The following GRID2 variants were observed in gnomAD, a reference collection of about 807,000 sequenced individuals.
GRID2 encodes the protein glutamate ionotropic receptor delta type subunit 2, also known as glutamate receptor ionotropic, delta-2.
Under a neutral mutation model 114.8 loss-of-function variants are expected in GRID2, and 33 were observed. The observed-to-expected ratio is 0.29, with a 90% confidence interval of 0.22 to 0.38. The LOEUF (loss-of-function observed/expected upper bound fraction) is 0.38. Ranked by LOEUF, GRID2 falls within the 10% of genes least tolerant of loss-of-function variation. The pLI is 1.00. For missense variants in GRID2, 1,184 were observed against 1,257.7 expected (o/e 0.94, Z 0.89); for synonymous variants, 505 against 449.9 (o/e 1.12, Z -1.55).
intron 2 of GRID2, among the ~76,000 whole-genome samples, chr4:93,062,096 C>T (rs1727860080): frequency 6.6e-6 from 1 of 152,082 alleles, no homozygotes; most frequent in Non-Finnish European, 1.5e-5. Context: ...TACAGACTTG[C>T]TGTTAATTCT....
At chr4:93,516,598 C>T (rs1270213752) in intron 13 of GRID2, among the ~76,000 whole-genome samples, 1 of 152,070 alleles carries the variant, frequency 6.6e-6, no homozygotes, top group East Asian at 1.9e-4. Flanking sequence ...TCTTGGCTTT[C>T]TCCAAAGAAC....
intron 14 of GRID2, among the ~76,000 whole-genome samples, chr4:93,658,764 A>G (rs1332632057): frequency 6.6e-6 from 1 of 152,172 alleles, no homozygotes; most frequent in Non-Finnish European, 1.5e-5. Context: ...TGCCCCCATT[A>G]TTAGAGGGTA....
At chr4:93,408,171 G>C (rs926737120) in intron 9 of GRID2, among the ~76,000 whole-genome samples, 1 of 152,046 alleles carries the variant, frequency 6.6e-6, no homozygotes, top group African/African-American at 2.4e-5. Context: ...AAGTGAAGGA[G>C]AATTTTTTAA....
At chr4:92,384,470 A>T (rs1326497764) in intron 1 of GRID2, among the ~76,000 whole-genome samples, 3 of 52,694 alleles carry the variant, frequency 5.7e-5, no homozygotes, top group South Asian at 4.8e-4. Context: ...ATATATATAT[A>T]TATATATATT....
chr4:92,673,247 CTT>C (rs1320472927), intron 2 of GRID2, among the ~76,000 whole-genome samples: 1 of 152,046 alleles, frequency 6.6e-6, no homozygotes, highest in Non-Finnish European at 1.5e-5. Flanking sequence ...TATATTCAAT[CTT>C]TTGGATAAAT....
intron 2 of GRID2, among the ~76,000 whole-genome samples, chr4:93,046,730 A>C (rs1194413506): frequency 6.6e-6 from 1 of 151,932 alleles, no homozygotes; most frequent in African/African-American, 2.4e-5. Context: ...TGAATGCACT[A>C]AGCAACCATT....
At chr4:92,705,879 T>A (rs1490308274) in intron 2 of GRID2, among the ~76,000 whole-genome samples, 1 of 152,202 alleles carries the variant, frequency 6.6e-6, no homozygotes, top group African/African-American at 2.4e-5. Context: ...AAAATCTATA[T>A]GGCTAGGACC....
chr4:93,061,988 G>T (rs900441191), intron 2 of GRID2, among the ~76,000 whole-genome samples: 8 of 152,104 alleles, frequency 5.3e-5, no homozygotes, highest in Non-Finnish European at 1.0e-4. Flanking sequence ...TTAGATAAGA[G>T]CACCTGTCCT....
chr4:92,473,910 G>C (rs539397727), intron 1 of GRID2, among the ~76,000 whole-genome samples: 3 of 150,998 alleles, frequency 2.0e-5, no homozygotes, highest in African/African-American at 7.3e-5. Context: ...ATTGTGAAAT[G>C]ATTACCACAA....
chr4:92,583,680 T>C (rs901427638), intron 1 of GRID2, among the ~76,000 whole-genome samples: 3 of 145,110 alleles, frequency 2.1e-5, no homozygotes, highest in Admixed American at 1.4e-4. Context: ...TACACACACA[T>C]ACACATATAT....
intron 11 of GRID2, among the ~76,000 whole-genome samples, chr4:93,467,401 C>T (rs1353108005): frequency 1.3e-5 from 2 of 152,074 alleles, no homozygotes; most frequent in Admixed American, 1.3e-4. Flanking sequence ...TTTAAGAAGT[C>T]TGTATTTTAT....
intron 8 of GRID2, among the ~76,000 whole-genome samples, chr4:93,372,371 AG>A (rs112372866): frequency 0.69 from 105,018 of 151,414 alleles, 37,416 homozygotes; most frequent in African/African-American, 0.87. Flanking sequence ...GATTATAGTA[AG>A]AACACTTTTA....
intron 1 of GRID2, among the ~76,000 whole-genome samples, chr4:92,555,923 G>A (rs960308083): frequency 1.3e-5 from 2 of 152,128 alleles, no homozygotes; most frequent in East Asian, 1.9e-4. Context: ...GGTACTCAGG[G>A]ATGACTTTGA....
At chr4:92,734,771 GTTTTT>G (rs1347483850) in intron 2 of GRID2, among the ~76,000 whole-genome samples, 1 of 137,752 alleles carries the variant, frequency 7.3e-6, no homozygotes, top group African/African-American at 2.7e-5. Flanking sequence ...CTTTTTTTTA[GTTTTT>G]TTTTTCTTTT....
At chr4:93,041,620 T>C (rs1013420449) in intron 2 of GRID2, among the ~76,000 whole-genome samples, 1 of 152,148 alleles carries the variant, frequency 6.6e-6, no homozygotes, top group African/African-American at 2.4e-5. Flanking sequence ...GTACAAATGA[T>C]GAAAACTAAC....
At chr4:93,120,050 C>T (rs751190630) in intron 4 of GRID2, among the ~76,000 whole-genome samples, 1 of 152,128 alleles carries the variant, frequency 6.6e-6, no homozygotes. Flanking sequence ...AGTGTGATAC[C>T]ATCTCATGCC....
chr4:93,381,772 T>C (rs965131638), intron 8 of GRID2, among the ~76,000 whole-genome samples: 6 of 152,116 alleles, frequency 3.9e-5, no homozygotes, highest in Admixed American at 1.3e-4. Flanking sequence ...ATATATCAGT[T>C]TCTTGAATTA....
At chr4:93,270,698 G>A (rs1026766210) in intron 8 of GRID2, among the ~76,000 whole-genome samples, 13 of 151,664 alleles carry the variant, frequency 8.6e-5, no homozygotes, top group African/African-American at 3.1e-4. Flanking sequence ...GCACAATTTC[G>A]GCTCACTGCA....
chr4:92,929,522 G>A (rs183708239), intron 2 of GRID2, among the ~76,000 whole-genome samples: 1 of 151,450 alleles, frequency 6.6e-6, no homozygotes, highest in Admixed American at 6.6e-5. Context: ...TCGCACCACA[G>A]AGTTGATCAA....
Sources: gnomAD v4.1 joint callset for allele counts (sites outside exome capture counted in the v4.1 genomes callset) on GRCh38, gnomAD v4.1.1 for gene constraint, MANE v1.5 for transcripts, NCBI Gene and HGNC (gene_info 2026-07-23, HGNC 2026-07-21) for gene names.